SLF1: variants seen among roughly 807,000 people sequenced by gnomAD.
SLF1 encodes SMC5/6 complex localization factor 1.
Under a neutral mutation model 123.0 loss-of-function variants are expected in SLF1, and 105 were observed. The ratio of observed to expected loss-of-function variants is 0.85; its 90% CI spans 0.73 to 1.00. The LOEUF (loss-of-function observed/expected upper bound fraction) is 1.00. Among genes scored for constraint, SLF1 ranks in the 50% least tolerant of loss-of-function variants. SLF1 has a pLI of 0.00. For synonymous variants in SLF1, 434 were observed against 406.6 expected (o/e 1.07, Z -0.81); for missense variants, 1,239 against 1,223.0 (o/e 1.01, Z -0.20).
chr5:94,620,468 C>T (rs1301306321), intron 1 of SLF1, among the ~76,000 whole-genome samples: 2 of 152,336 alleles, frequency 1.3e-5, no homozygotes, highest in Admixed American at 6.5e-5. Flanking sequence ...TAAGCATCCA[C>T]ATTTTCCACT....
At position 94,697,396 on chromosome 5, in the gene SLF1, A is replaced by G. The variant is rs1441558030; in HGVS notation, c.*2084A>G. Reference sequence around the variant, plus strand: ...CCCAAATCTATCTTGGAGGTATAGGAAGAAGAAATTCTCAATAAGTAAAGT... The same window carrying G: ...CCCAAATCTATCTTGGAGGTATAGGGAGAAGAAATTCTCAATAAGTAAAGT... On this transcript the variant is annotated 3_prime_UTR_variant, in exon 21 of 21. Transcript: ENST00000265140. 1 of 151,896 alleles carries G rather than the reference A, an allele frequency of 6.6e-6. No homozygotes were observed. Among genetic ancestry groups the G allele is most frequent in the African/African-American group, 2.4e-5 (1 of 41,402 alleles). The allele number at this position is 151,896 out of a possible 1,614,324, so 9.4% of individuals were successfully genotyped here. A position where few individuals can be genotyped will look rare whatever the true frequency, so the allele number is the denominator to read the frequency against.
chr5:94,688,894 T>G (rs1274529934), intron 17 of SLF1, among the ~76,000 whole-genome samples: 3 of 152,244 alleles, frequency 2.0e-5, no homozygotes, highest in Non-Finnish European at 4.4e-5. Flanking sequence ...AAATTATTGA[T>G]GAATTATTGA....
intron 4 of SLF1, among the ~76,000 whole-genome samples, chr5:94,636,453 G>A (rs1745782508): frequency 6.6e-6 from 1 of 151,794 alleles, no homozygotes; most frequent in African/African-American, 2.4e-5. Context: ...TCATCCTTTG[G>A]GTTTTTTTGC....
chr5:94,667,361 A>C (rs1259601405), intron 12 of SLF1, among the ~76,000 whole-genome samples: 1 of 152,112 alleles, frequency 6.6e-6, no homozygotes, highest in African/African-American at 2.4e-5. Context: ...ATAATTTCCA[A>C]ATCTATTCCT....
intron 18 of SLF1, 173 bp from the exon 19 acceptor site, chr5:94,691,391 C>A: frequency 4.1e-5 from 8 of 193,726 alleles, no homozygotes; most frequent in South Asian, 1.3e-4. Context: ...CTTCCCCTTC[C>A]CACCCCCCAC....
intron 15 of SLF1, among the ~76,000 whole-genome samples, chr5:94,682,002 CTGTGCGTGTG>C (rs760696099): frequency 1.6e-4 from 24 of 152,054 alleles, no homozygotes; most frequent in Non-Finnish European, 2.9e-4. Flanking sequence ...AAGCAACCAA[CTGTGCGTGTG>C]TGTGCATGTG....
intron 7 of SLF1, among the ~76,000 whole-genome samples, chr5:94,652,632 C>T (rs1269870713): frequency 2.0e-5 from 3 of 152,100 alleles, no homozygotes; most frequent in Non-Finnish European, 2.9e-5. Context: ...CAATTATGAA[C>T]AATTCTGCTA....
At chr5:94,643,788 A>G (rs2152474707) in intron 5 of SLF1, among the ~76,000 whole-genome samples, 1 of 152,202 alleles carries the variant, frequency 6.6e-6, no homozygotes, top group South Asian at 2.1e-4. Context: ...GTCCTGTCCT[A>G]TTCCCCTACA....
At chr5:94,664,869 A>AGGG (rs1749560793) in intron 11 of SLF1, among the ~76,000 whole-genome samples, 1 of 152,170 alleles carries the variant, frequency 6.6e-6, no homozygotes, top group Non-Finnish European at 1.5e-5. Flanking sequence ...CAAGTCCTGC[A>AGGG]GTTGCTTCTT....
chr5:94,665,829 GTTTTA>G (rs1215607054), intron 11 of SLF1, 27 bp from the exon 12 acceptor site: 1 of 1,503,686 alleles, frequency 6.7e-7, no homozygotes, highest in Non-Finnish European at 9.0e-7. Context: ...TAGCTATAGT[GTTTTA>G]TTTGTTTGTT....
At chr5:94,683,720 T>G (rs576643315) in intron 15 of SLF1, among the ~76,000 whole-genome samples, 1 of 152,262 alleles carries the variant, frequency 6.6e-6, no homozygotes, top group African/African-American at 2.4e-5. Flanking sequence ...TAAGGGAGTT[T>G]GTGTAGGAAT....
At position 94,663,913 on chromosome 5, in the gene SLF1, G is replaced by C; in HGVS notation, c.1368+5G>C. On this transcript the variant is annotated splice_donor_5th_base_variant and intron_variant, in intron 11 of 20. Coordinates refer to ENST00000265140, the MANE Select transcript of SLF1 (RefSeq NM_032290.4). Reference sequence around the variant, plus strand: ...CTTCTAGAGAACGTTCTACAGGTAAGAGCAGCCTTAAGGATTTATAATCTT... The same window carrying C: ...CTTCTAGAGAACGTTCTACAGGTAACAGCAGCCTTAAGGATTTATAATCTT... The C allele has an allele frequency of 1.3e-6, 2 of 1,505,052 alleles. No homozygotes were observed. The highest frequency in any genetic ancestry group is 1.8e-6 in the Non-Finnish European group (2 of 1,131,164). The allele number at this position is 1,505,052 out of a possible 1,614,324, so 93.2% of individuals were successfully genotyped here. A position where few individuals can be genotyped will look rare whatever the true frequency, so the allele number is the denominator to read the frequency against.
At chr5:94,688,024 A>G (rs1251429078) in intron 16 of SLF1, among the ~76,000 whole-genome samples, 2 of 126,478 alleles carry the variant, frequency 1.6e-5, no homozygotes, top group East Asian at 6.1e-4. Context: ...ATTAATATCT[A>G]TCTTTAGATA....
Position 94,653,399 on chromosome 5 carries a change from G to T in SLF1, c.1010G>T (p.Arg337Met). The change falls in exon 8 of 21, where the codon AGG (arginine) becomes ATG (methionine). Residue 337 changes from arginine to methionine, a missense_variant. Transcript: ENST00000265140. ...EHEKIKSTLR[R>M]HIYNRDQKEM... Reference sequence around the variant, plus strand: ...GAAAAAATAAAAAGTACCTTAAGAAGGCACATATATAATAGAGATCAGGTA... The same window carrying T: ...GAAAAAATAAAAAGTACCTTAAGAATGCACATATATAATAGAGATCAGGTA... 6.6e-7 allele frequency: 1 copy of T among 1,521,172 alleles called. No homozygotes were observed. The allele number at this position is 1,521,172 out of a possible 1,614,324, so 94.2% of individuals were successfully genotyped here. A position where few individuals can be genotyped will look rare whatever the true frequency, so the allele number is the denominator to read the frequency against.
At chr5:94,647,836 C>A (rs1438953055) in intron 5 of SLF1, among the ~76,000 whole-genome samples, 1 of 152,094 alleles carries the variant, frequency 6.6e-6, no homozygotes, top group African/African-American at 2.4e-5. Context: ...AAATGTTATA[C>A]CTTCTGTATC....
chr5:94,650,543 C>A (rs1402222823), intron 6 of SLF1, among the ~76,000 whole-genome samples: 1 of 151,766 alleles, frequency 6.6e-6, no homozygotes, highest in Non-Finnish European at 1.5e-5. Context: ...TTTGTATTTT[C>A]TTAGTAGAGA....
intron 1 of SLF1, among the ~76,000 whole-genome samples, chr5:94,624,008 T>C (rs1289772587): frequency 1.3e-5 from 2 of 152,176 alleles, no homozygotes; most frequent in Non-Finnish European, 2.9e-5. Flanking sequence ...AACTGTTGTT[T>C]CAAGTAGATA....
intron 15 of SLF1, among the ~76,000 whole-genome samples, chr5:94,681,368 G>A (rs931408750): frequency 6.6e-6 from 1 of 152,184 alleles, no homozygotes; most frequent in African/African-American, 2.4e-5. Flanking sequence ...CAGACCTCAG[G>A]TGATCTGCCC....
At chr5:94,667,446 T>A (rs991407254) in intron 12 of SLF1, among the ~76,000 whole-genome samples, 6 of 152,226 alleles carry the variant, frequency 3.9e-5, no homozygotes, top group Non-Finnish European at 8.8e-5. Flanking sequence ...GCTGCTTTAT[T>A]GATCTTGGGT....
Sources: gnomAD v4.1 joint callset for allele counts (sites outside exome capture counted in the v4.1 genomes callset) on GRCh38, gnomAD v4.1.1 for gene constraint, MANE v1.5 for transcripts, NCBI Gene and HGNC (gene_info 2026-07-23, HGNC 2026-07-21) for gene names.